LRMDA: variants seen among roughly 807,000 people sequenced by gnomAD.
The protein encoded by LRMDA is leucine rich melanocyte differentiation associated.
LRMDA carries 18 observed loss-of-function variants against 29.8 expected under a neutral mutation model. That is an observed-to-expected ratio of 0.60 (90% confidence interval 0.42 to 0.90). LRMDA has a LOEUF of 0.90. Ranked by LOEUF, LRMDA falls within the 40% of genes least tolerant of loss-of-function variation. LRMDA has a pLI of 0.00. For synonymous variants in LRMDA, 125 were observed against 109.4 expected, an observed-to-expected ratio of 1.14 and a Z score of -0.89; for missense variants, 273 against 273.9, an observed-to-expected ratio of 1.00 and a Z score of 0.02.
chr10:75,436,619 C>T (rs1844266838), intron 1 of LRMDA, among the ~76,000 whole-genome samples: 1 of 152,086 alleles, frequency 6.6e-6, no homozygotes, highest in African/African-American at 2.4e-5. Flanking sequence ...AGGCACTCCC[C>T]ACCATGCCCG....
At chr10:76,411,198 C>T (rs771383416) in intron 6 of LRMDA, among the ~76,000 whole-genome samples, 1 of 152,150 alleles carries the variant, frequency 6.6e-6, no homozygotes, top group African/African-American at 2.4e-5. Flanking sequence ...AACTTGTCAG[C>T]GTCACTTGCA....
intron 5 of LRMDA, among the ~76,000 whole-genome samples, chr10:76,171,649 C>T (rs951566255): frequency 6.6e-6 from 1 of 152,214 alleles, no homozygotes; most frequent in South Asian, 2.1e-4. Flanking sequence ...GCAGGGATTC[C>T]TGGAGGCTGT....
At chr10:76,113,942 C>T (rs1183373312) in intron 5 of LRMDA, among the ~76,000 whole-genome samples, 4 of 152,268 alleles carry the variant, frequency 2.6e-5, no homozygotes, top group South Asian at 4.1e-4. Flanking sequence ...CAGTTTAAAG[C>T]GAAGATGCCA....
intron 2 of LRMDA, among the ~76,000 whole-genome samples, chr10:75,691,815 C>T (rs1294588190): frequency 6.6e-6 from 1 of 152,104 alleles, no homozygotes; most frequent in Non-Finnish European, 1.5e-5. Context: ...GCTCATCCTC[C>T]CTCCATTGCT....
intron 2 of LRMDA, among the ~76,000 whole-genome samples, chr10:75,606,300 C>T (rs1246699132): frequency 6.6e-6 from 1 of 152,210 alleles, no homozygotes. Context: ...AGAATATTAA[C>T]TCTCTTACCA....
chr10:75,468,210 T>C (rs1318616662), intron 2 of LRMDA, among the ~76,000 whole-genome samples: 1 of 152,164 alleles, frequency 6.6e-6, no homozygotes, highest in Admixed American at 6.5e-5. Context: ...TTCACATAAA[T>C]GGTTGTCGGT....
At chr10:75,735,728 G>A (rs1160934145) in intron 2 of LRMDA, among the ~76,000 whole-genome samples, 3 of 152,110 alleles carry the variant, frequency 2.0e-5, no homozygotes, top group South Asian at 2.1e-4. Flanking sequence ...GTGTGACACT[G>A]TTAATAGTCA....
rs922631284 is a variant in LRMDA at position 76,146,901 on chromosome 10, C to T, written c.516+88118C>T. On this transcript the variant is annotated intron_variant, in intron 5 of 6. Coordinates refer to ENST00000611255, the MANE Select transcript of LRMDA (RefSeq NM_001305581.2). ...GCCTGCTGGTGACAAAATCTCTCAG[C>T]ATTTGCTTGTCTGTAAAGTATTTTA... is the stretch of plus-strand genomic sequence containing the variant. Among the ~76,000 whole-genome samples, 7 of 152,158 alleles carry T rather than the reference C, an allele frequency of 4.6e-5. No individual in the cohort carries two copies. In the East Asian group the frequency reaches 1.3e-3, roughly 29 times the overall value.
intron 2 of LRMDA, among the ~76,000 whole-genome samples, chr10:75,692,218 A>AT (rs1842169522): frequency 8.9e-4 from 39 of 43,936 alleles, no homozygotes; most frequent in Non-Finnish European, 1.1e-3. Flanking sequence ...GAAAAAAAAA[A>AT]AATATATATA....
At chr10:75,722,525 C>G (rs541518402) in intron 2 of LRMDA, among the ~76,000 whole-genome samples, 1 of 152,220 alleles carries the variant, frequency 6.6e-6, no homozygotes, top group African/African-American at 2.4e-5. Context: ...ACCAGGTTAA[C>G]ATGGGGGCAC....
chr10:76,146,616 A>T (rs1371944572), intron 5 of LRMDA, among the ~76,000 whole-genome samples: 1 of 152,206 alleles, frequency 6.6e-6, no homozygotes, highest in Non-Finnish European at 1.5e-5. Flanking sequence ...TGAATGCAGC[A>T]CACCGATGGG....
At chr10:75,491,781 T>C (rs1844991083) in intron 2 of LRMDA, among the ~76,000 whole-genome samples, 1 of 152,204 alleles carries the variant, frequency 6.6e-6, no homozygotes, top group Non-Finnish European at 1.5e-5. Flanking sequence ...CTCTGTCTTC[T>C]CTGAGGCCTC....
rs897637157 is a variant in LRMDA, at chr10:76,133,942, C to T, written c.516+75159C>T. On this transcript the variant is annotated intron_variant, in intron 5 of 6. Coordinates refer to ENST00000611255, the MANE Select transcript of LRMDA (RefSeq NM_001305581.2). ...TGGGTGGTGAGGCCCCTGCTGTTGCCTCAGAACTGTCTGGTCAGTCAGCTC... is the reference window on the plus strand; with the variant it reads ...TGGGTGGTGAGGCCCCTGCTGTTGCTTCAGAACTGTCTGGTCAGTCAGCTC... Among the ~76,000 whole-genome samples the T allele has an allele frequency of 2.0e-5, 3 of 152,312 alleles. No homozygotes were observed. In the East Asian group the frequency reaches 5.8e-4, roughly 29 times the overall value.
chr10:76,493,669 G>A (rs544704503), intron 6 of LRMDA, among the ~76,000 whole-genome samples: 2 of 151,872 alleles, frequency 1.3e-5, no homozygotes, highest in East Asian at 3.9e-4. Context: ...AATAAATCAG[G>A]GTAAGTTCTC....
intron 2 of LRMDA, among the ~76,000 whole-genome samples, chr10:75,546,000 A>G (rs1031067119): frequency 1.3e-5 from 2 of 152,160 alleles, no homozygotes; most frequent in Admixed American, 1.3e-4. Flanking sequence ...CCGGGAACCA[A>G]ATGGAAAGAG....
chr10:76,223,525 T>A (rs934062297), intron 5 of LRMDA, among the ~76,000 whole-genome samples: 1 of 152,080 alleles, frequency 6.6e-6, no homozygotes, highest in African/African-American at 2.4e-5. Flanking sequence ...TGCAATGTGA[T>A]GGTAATAGGA....
chr10:75,530,745 G>A (rs1845467758), intron 2 of LRMDA, among the ~76,000 whole-genome samples: 1 of 152,188 alleles, frequency 6.6e-6, no homozygotes, highest in African/African-American at 2.4e-5. Context: ...GAAACAAAGA[G>A]TTGACATTCC....
chr10:75,892,397 G>T (rs1223443785), intron 2 of LRMDA, among the ~76,000 whole-genome samples: 1 of 152,130 alleles, frequency 6.6e-6, no homozygotes, highest in Non-Finnish European at 1.5e-5. Context: ...CCCTATTGCA[G>T]CACAAAGCAG....
intron 5 of LRMDA, among the ~76,000 whole-genome samples, chr10:76,204,637 A>G (rs567281723): frequency 2.6e-5 from 4 of 152,280 alleles, no homozygotes; most frequent in African/African-American, 9.6e-5. Context: ...TTGTAGGTCC[A>G]GGGCTCTTTC....
Sources: allele counts gnomAD v4.1 joint callset (sites outside exome capture counted in the v4.1 genomes callset), GRCh38; gene constraint gnomAD v4.1.1; transcripts MANE v1.5; gene names NCBI Gene and HGNC (gene_info 2026-07-23, HGNC 2026-07-21).